ARID1B: variants seen among roughly 807,000 people sequenced by gnomAD.
ARID1B encodes the protein AT-rich interactive domain-containing protein 1B.
ARID1B carries 30 observed loss-of-function variants against 212.3 expected under a neutral mutation model. The ratio of observed to expected loss-of-function variants is 0.14; its 90% CI spans 0.11 to 0.19. ARID1B has a LOEUF of 0.19. Among genes scored for constraint, ARID1B ranks in the 10% least tolerant of loss-of-function variants. ARID1B has a pLI of 1.00. For missense variants in ARID1B, 2,891 were observed against 3,204.0 expected (o/e 0.90, Z 2.36); for synonymous variants, 1,402 against 1,301.7 (o/e 1.08, Z -1.66).
intron 4 of ARID1B, among the ~76,000 whole-genome samples, chr6:156,949,468 C>G (rs994885311): frequency 2.0e-5 from 3 of 152,118 alleles, no homozygotes; most frequent in Non-Finnish European, 4.4e-5. Flanking sequence ...CTTTTCTTTG[C>G]CCTCCTCCTT....
At chr6:157,183,243 G>T (rs1014065514) in intron 12 of ARID1B, among the ~76,000 whole-genome samples, 3 of 152,150 alleles carry the variant, frequency 2.0e-5, no homozygotes, top group African/African-American at 7.2e-5. Flanking sequence ...AAGACCCACA[G>T]TTTGCAGCCC....
At position 156,935,464 on chromosome 6, in the gene ARID1B, A is replaced by T. The variant is rs761518007; in HGVS notation, c.2137-2A>T. ...GTGCTTTGTGTTTGTGTTTTTTTTT[A>T]GGACATGTCTCAGGAAGGCTATGGA... On this transcript the variant is annotated splice_acceptor_variant, in intron 3 of 19. Transcript: ENST00000636930. LOFTEE classifies it high-confidence loss of function. The T allele has an allele frequency of 6.2e-7, 1 of 1,601,982 alleles. No individual in the cohort carries two copies. The highest frequency in any genetic ancestry group is 2.2e-5 in the East Asian group (1 of 44,796).
intron 4 of ARID1B, among the ~76,000 whole-genome samples, chr6:156,953,071 A>G (rs1389258529): frequency 1.3e-5 from 2 of 152,258 alleles, no homozygotes; most frequent in Admixed American, 6.5e-5. Context: ...GTGAAACAGT[A>G]CTGTGTCAGC....
chr6:156,815,239 CAT>C lies in ARID1B; in HGVS notation c.1792-13987_1792-13986del, dbSNP rs966158707. ...TTATCTTGATATAGACATATCCAGACATGTGTATATTTTGTAACGTAGGGTAA... is the reference window on the plus strand; with the variant it reads ...TTATCTTGATATAGACATATCCAGACGTGTATATTTTGTAACGTAGGGTAA... On this transcript the variant is annotated intron_variant, in intron 1 of 19. Transcript: ENST00000636930. Among the ~76,000 whole-genome samples, 34 of 152,036 alleles carry C rather than the reference CAT, an allele frequency of 2.2e-4. 1 individual carries two copies. Among genetic ancestry groups the C allele is most frequent in the African/African-American group, 4.1e-4 (17 of 41,378 alleles).
At chr6:156,976,079 GA>G (rs1180057544) in intron 4 of ARID1B, among the ~76,000 whole-genome samples, 2 of 152,130 alleles carry the variant, frequency 1.3e-5, no homozygotes, top group African/African-American at 2.4e-5. Flanking sequence ...CAAGGGCTGG[GA>G]GGGGGTGTAT....
chr6:156,897,209 G>GCTT (rs1788493760), intron 2 of ARID1B, among the ~76,000 whole-genome samples: 1 of 73,048 alleles, frequency 1.4e-5, no homozygotes, highest in South Asian at 4.7e-4. Flanking sequence ...TGCTGCTGCT[G>GCTT]CTGCTGCTGC....
intron 11 of ARID1B, 119 bp downstream of exon 11, chr6:157,175,124 CATT>C (rs1168878680): frequency 1.1e-5 from 10 of 884,648 alleles, no homozygotes; most frequent in African/African-American, 1.8e-5. Flanking sequence ...ACTTTTTCTT[CATT>C]ATTTATCCAT....
rs564110998 is a variant in ARID1B at position 157,148,710 on chromosome 6, A to G, written c.2848A>G (p.Asn950Asp). ...GCCCGGTATGGGTATCAGTGCCAAC[A>G]ACCAGATGCATGGACAAGGGCCAAG... is the stretch of plus-strand genomic sequence containing the variant. ...PGPGMGISAN[N>D]QMHGQGPSQP... Residue 950 changes from asparagine to aspartate, a missense_variant, in exon 8 of 20, where the codon AAC (asparagine) becomes GAC (aspartate). This residue lies in a region of ARID1B where 1,643 missense variants were observed against 1,544.0 expected (regional missense o/e 1.06). Coordinates refer to ENST00000636930, the MANE Select transcript of ARID1B (RefSeq NM_001374828.1). The surrounding 1 kb of genome is among the most constrained non-coding windows in gnomAD (Gnocchi z 5.6). The G allele has an allele frequency of 1.2e-6, 2 of 1,613,130 alleles. No individual in the cohort carries two copies. Among genetic ancestry groups the G allele is most frequent in the East Asian group, 2.2e-5 (1 of 44,884 alleles).
intron 3 of ARID1B, among the ~76,000 whole-genome samples, chr6:156,916,964 A>G (rs537233327): frequency 1.3e-5 from 2 of 152,200 alleles, no homozygotes; most frequent in South Asian, 4.1e-4. Flanking sequence ...GTCTGTCAGT[A>G]CCCTTTCTTG....
intron 2 of ARID1B, among the ~76,000 whole-genome samples, chr6:156,890,598 A>G (rs191927301): frequency 1.1e-4 from 16 of 152,358 alleles, no homozygotes; most frequent in Admixed American, 5.9e-4. Flanking sequence ...AGGCCAGAAC[A>G]TACTGGACTT....
intron 4 of ARID1B, among the ~76,000 whole-genome samples, chr6:157,029,505 C>G (rs576293199): frequency 6.6e-6 from 1 of 152,224 alleles, no homozygotes; most frequent in African/African-American, 2.4e-5. Flanking sequence ...CTAGCCTGCT[C>G]TTGTGAAGTT....
chr6:156,897,264 C>CTTCTCATTATTATTATTATTA (rs71027320), intron 2 of ARID1B, among the ~76,000 whole-genome samples: 1 of 83,630 alleles, frequency 1.2e-5, no homozygotes, highest in Non-Finnish European at 2.4e-5. Context: ...TCTTCTTCTT[C>CTTCTCATTATTATTATTATTA]TTATTATTAT....
intron 3 of ARID1B, among the ~76,000 whole-genome samples, chr6:156,911,277 TA>T: frequency 6.6e-6 from 1 of 151,776 alleles, no homozygotes; most frequent in Non-Finnish European, 1.5e-5. Flanking sequence ...AAGATGATTT[TA>T]AGAACACCTT....
At chr6:156,980,387 G>C (rs905939902) in intron 4 of ARID1B, among the ~76,000 whole-genome samples, 1 of 152,116 alleles carries the variant, frequency 6.6e-6, no homozygotes, top group Non-Finnish European at 1.5e-5. Flanking sequence ...GGAGGTTGAG[G>C]CAAGAGAATT....
rs781082506 is a variant in ARID1B, at chr6:157,207,030, C to T, written c.6258C>T (p.Ala2086=). 4.3e-6 allele frequency: 7 copies of T among 1,614,132 alleles called. No homozygotes were observed. The highest frequency in any genetic ancestry group is 1.7e-5 in the Admixed American group (1 of 60,032). Residue 2086 remains alanine, a synonymous_variant, in exon 20 of 20, where the codon GCC becomes GCT. Coordinates refer to ENST00000636930, the MANE Select transcript of ARID1B (RefSeq NM_001374828.1). The surrounding 1 kb of genome is among the most constrained non-coding windows in gnomAD (Gnocchi z 8.5). The stretch of plus-strand genomic sequence containing the variant: ...TGTCATTCGTGCCTGGCAATGATGC[C>T]GAAATGTCCAAACATCCAGGCCTGG... ...RSLSFVPGND[A]EMSKHPGLVL... is the part of the protein sequence containing the mutation.
At chr6:156,783,181 C>T (rs1779398440) in intron 1 of ARID1B, among the ~76,000 whole-genome samples, 1 of 151,660 alleles carries the variant, frequency 6.6e-6, no homozygotes, top group Admixed American at 6.6e-5. Context: ...TATACTTGTT[C>T]CATTTTTCTC....
chr6:156,992,788 A>G (rs1309061369), intron 4 of ARID1B, among the ~76,000 whole-genome samples: 4 of 152,296 alleles, frequency 2.6e-5, no homozygotes, highest in Middle Eastern at 3.4e-3. Context: ...GGTGGGCAAC[A>G]TAAGGGTCAG....
At chr6:157,106,973 G>A (rs1165364185) in intron 5 of ARID1B, among the ~76,000 whole-genome samples, 1 of 152,166 alleles carries the variant, frequency 6.6e-6, no homozygotes, top group Non-Finnish European at 1.5e-5. Flanking sequence ...GTGAGTGCAG[G>A]TTTGAGGAGG....
Position 157,196,422 on chromosome 6 carries a change from T to C in ARID1B, c.4382+107T>C, listed in dbSNP as rs1447123452. On this transcript the variant is annotated intron_variant, in intron 16 of 19. Coordinates refer to ENST00000636930, the MANE Select transcript of ARID1B (RefSeq NM_001374828.1). ...CTGAGCCACTGATGACAATATACAG[T>C]GTCCCCTTTCCTGTGAAAGTAAAGA... The C allele has an allele frequency of 1.4e-5, 19 of 1,374,206 alleles. No homozygotes were observed. In the Admixed American group the frequency reaches 4.0e-4, roughly 29 times the overall value. The allele number at this position is 1,374,206 out of a possible 1,614,324, so 85.1% of individuals were successfully genotyped here.
Sources: allele counts gnomAD v4.1 joint callset (sites outside exome capture counted in the v4.1 genomes callset), GRCh38; gene constraint gnomAD v4.1.1; regional missense constraint gnomAD v4.1.1; non-coding constraint Gnocchi (gnomAD v3.1); transcripts MANE v1.5; gene names NCBI Gene and HGNC (gene_info 2026-07-23, HGNC 2026-07-21).